Variants in LRRC43 observed in about 807,000 individuals in gnomAD.
LRRC43 encodes leucine rich repeat containing 43.
In LRRC43, 62 loss-of-function variants were observed where a neutral mutation model predicts 64.3. The ratio of observed to expected loss-of-function variants is 0.96; its 90% confidence interval spans 0.79 to 1.19. The LOEUF (loss-of-function observed/expected upper bound fraction) is 1.19, where lower values mean the gene tolerates loss of function less well. Ranked by LOEUF, LRRC43 falls within the 50% of genes most tolerant of loss-of-function variation. LRRC43 has a pLI of 0.00. For missense variants in LRRC43, 868 were observed against 845.0 expected, an observed-to-expected ratio of 1.03 and a Z score of -0.34; for synonymous variants, 422 against 382.3, an observed-to-expected ratio of 1.10 and a Z score of -1.21.
At chr12:122,186,384 A>G in intron 3 of LRRC43, 84 bp downstream of exon 3, 2 of 847,972 alleles carry the variant, frequency 2.4e-6, no homozygotes, top group Non-Finnish European at 3.8e-6. Context: ...TAGTGTGGCC[A>G]GCATGGGTGG....
At chr12:122,179,842 G>A (rs191348348), upstream of LRRC43, among the ~76,000 whole-genome samples, 476 of 151,878 alleles carry the variant, frequency 3.1e-3, 4 homozygotes, top group African/African-American at 0.011. Flanking sequence ...GTGGTGGCGC[G>A]TGTCTGTAGT....
At chr12:122,199,146 A>G (rs1034732468) in intron 7 of LRRC43, among the ~76,000 whole-genome samples, 6 of 151,510 alleles carry the variant, frequency 4.0e-5, no homozygotes, top group South Asian at 2.1e-4. Context: ...CTGTGATCCA[A>G]TTGGTAGAAC....
At chr12:122,168,051 G>A (rs1247136038) in intron 1 of LRRC43, among the ~76,000 whole-genome samples, 1 of 149,308 alleles carries the variant, frequency 6.7e-6, no homozygotes, top group African/African-American at 2.5e-5. Context: ...CTGACCTCAG[G>A]TGATCCACCA....
intron 4 of LRRC43, chr12:122,189,638 A>G (rs193219439): frequency 1.5e-4 from 57 of 373,638 alleles, no homozygotes; most frequent in African/African-American, 1.1e-3. Flanking sequence ...GGCTTTGAGA[A>G]GCCATCTCCT....
In LRRC43 at chr12:122,171,412, G is replaced by A. The variant is rs151265285; in HGVS notation, c.-406+3630G>A. On this transcript the variant is annotated intron_variant, in intron 1 of 5. Coordinates refer to the LRRC43 transcript ENST00000537729. ...CTGCTGAGGTCTTGCTTTGTCTCTG[G>A]AGTGAGTGGTGCTGTCCTAGCTCAC... Among the ~76,000 whole-genome samples, 9 of 152,314 alleles carry A rather than the reference G, an allele frequency of 5.9e-5. No homozygotes were observed. The East Asian group carries it at 1.7e-3, about 29-fold the overall frequency.
intron 7 of LRRC43, among the ~76,000 whole-genome samples, chr12:122,196,162 A>G (rs7295774): frequency 1 from 151,796 of 152,312 alleles, 75,641 homozygotes; most frequent in Middle Eastern, 1. Flanking sequence ...ATATTGTGTC[A>G]AGCTGATATG....
chr12:122,200,057 C>A lies in LRRC43; in HGVS notation c.1350-132C>A. 2.1e-6 allele frequency: 2 copies of A among 966,700 alleles called. No homozygotes were observed. The highest frequency in any genetic ancestry group is 3.1e-6 in the Non-Finnish European group (2 of 645,894). The allele number at this position is 966,700 out of a possible 1,614,324, so 59.9% of individuals were successfully genotyped here. A position where few individuals can be genotyped will look rare whatever the true frequency, so the allele number is the denominator to read the frequency against. On this transcript the variant is annotated intron_variant, in intron 7 of 11. Transcript: ENST00000339777. This position sits in a 1 kb window ranked among gnomAD's most constrained non-coding sequence, Gnocchi z 4.6. ...CTTGCCCTGCCTGGTGGCAGCCGGA[C>A]CTCACGTCTCATGCTGTTTGTGGGC... is the stretch of plus-strand genomic sequence containing the variant.
At chr12:122,191,231 G>A (rs1412315695) in intron 5 of LRRC43, 149 bp from the exon 6 acceptor site, 6 of 639,564 alleles carry the variant, frequency 9.4e-6, no homozygotes, top group Admixed American at 3.0e-5. Context: ...CAGCTTGCCA[G>A]AGCTGTGACA....
intron 7 of LRRC43, among the ~76,000 whole-genome samples, chr12:122,196,627 G>C (rs932549313): frequency 6.6e-6 from 1 of 152,044 alleles, no homozygotes; most frequent in Non-Finnish European, 1.5e-5. Context: ...AAATTATCTG[G>C]GCATGGTGGC....
In LRRC43 at chr12:122,203,319, G is replaced by A; in HGVS notation, c.1848G>A (p.Lys616=). 6.2e-7 allele frequency: 1 copy of A among 1,611,994 alleles called. No individual in the cohort carries two copies. The highest frequency in any genetic ancestry group is 8.5e-7 in the Non-Finnish European group (1 of 1,179,848). The stretch of plus-strand genomic sequence containing the variant: ...CTCGCACTTAAATTTTCTCAGAAAA[G>A]CCGAAAGCCGTGATTCCGATCTACG... ...KKIKKVAKKE[K]PKAVIPIYEG... The change falls in exon 12 of 12, where the codon AAG becomes AAA. Residue 616 remains lysine (K), a synonymous_variant. Coordinates refer to ENST00000339777, the MANE Select transcript of LRRC43 (RefSeq NM_001098519.2).
chr12:122,181,798 G>A (rs991643033), upstream of LRRC43, among the ~76,000 whole-genome samples: 4 of 150,754 alleles, frequency 2.7e-5, no homozygotes, highest in Non-Finnish European at 4.4e-5. Flanking sequence ...TAGAGACGGG[G>A]TTTCACCATG....
chr12:122,168,474 T>G (rs1392670326), intron 1 of LRRC43, among the ~76,000 whole-genome samples: 1 of 148,992 alleles, frequency 6.7e-6, no homozygotes, highest in Admixed American at 6.7e-5. Context: ...GTTCTCACCA[T>G]GTTGGGATCT....
At chr12:122,169,715 CAAAAAAAAAAAAAA>C (rs1156784202) in intron 1 of LRRC43, among the ~76,000 whole-genome samples, 3 of 49,424 alleles carry the variant, frequency 6.1e-5, no homozygotes, top group Non-Finnish European at 1.3e-4. Context: ...GACTCCGTCT[CAAAAAAAAAAAAAA>C]AAAAAAAAAA....
At chr12:122,190,002 G>C (rs1230752212) in intron 4 of LRRC43, 128 bp from the exon 5 acceptor site, 6 of 796,684 alleles carry the variant, frequency 7.5e-6, no homozygotes. Context: ...GTCAAGGGTA[G>C]GACAGGGGTG....
chr12:122,192,997 TCCCCAGGGTAAG>T lies in LRRC43; in HGVS notation c.1343_1349+5del. 1 of 1,613,210 alleles carries T rather than the reference TCCCCAGGGTAAG, an allele frequency of 6.2e-7. No homozygotes were observed. The highest frequency in any genetic ancestry group is 8.5e-7 in the Non-Finnish European group (1 of 1,179,698). On this transcript the variant is annotated splice_donor_variant and splice_donor_5th_base_variant and coding_sequence_variant and intron_variant, in exon 7 of 12. Transcript: ENST00000339777. LOFTEE classifies it high-confidence loss of function. ...GCGTATAGATCCCCGGCTCTGCCCGTCCCCAGGGTAAGGATGGAAATCTGAACCAGGGCAAGT... is the reference window on the plus strand; with the variant it reads ...GCGTATAGATCCCCGGCTCTGCCCGTGATGGAAATCTGAACCAGGGCAAGT...
chr12:122,190,426 C>A, intron 5 of LRRC43, 58 bp downstream of exon 5: 2 of 1,393,020 alleles, frequency 1.4e-6, no homozygotes, highest in Non-Finnish European at 2.0e-6. Flanking sequence ...CTGCGCCTGG[C>A]TGTGCCCCGC....
upstream of LRRC43, among the ~76,000 whole-genome samples, chr12:122,178,797 TG>T (rs1283526288): frequency 6.6e-6 from 1 of 151,774 alleles, no homozygotes; most frequent in African/African-American, 2.4e-5. Flanking sequence ...TTAGTAGAGA[TG>T]GGGTTTTTTC....
chr12:122,196,241 T>C (rs1443073041), intron 7 of LRRC43, among the ~76,000 whole-genome samples: 1 of 152,232 alleles, frequency 6.6e-6, no homozygotes, highest in East Asian at 1.9e-4. Context: ...AATTTCCACA[T>C]TGATTTTCTA....
intron 1 of LRRC43, among the ~76,000 whole-genome samples, chr12:122,171,124 G>A (rs968094116): frequency 1.4e-4 from 22 of 152,212 alleles, no homozygotes; most frequent in African/African-American, 4.6e-4. Flanking sequence ...AAACCCAGTG[G>A]GGAGTTGTGC....
Sources: gnomAD v4.1 joint callset for allele counts (sites outside exome capture counted in the v4.1 genomes callset) on GRCh38, gnomAD v4.1.1 for gene constraint, Gnocchi (gnomAD v3.1) non-coding constraint, MANE v1.5 for transcripts, NCBI Gene and HGNC (gene_info 2026-07-23, HGNC 2026-07-21) for gene names.